The following PTH2R variants were observed in gnomAD, a reference collection of about 807,000 sequenced individuals.
PTH2R encodes parathyroid hormone 2 receptor.
Under a neutral mutation model 60.3 loss-of-function variants are expected in PTH2R, and 59 were observed. The observed-to-expected ratio is 0.98, with a 90% CI of 0.79 to 1.22. PTH2R has a LOEUF of 1.22. Ranked by LOEUF, PTH2R falls within the 50% of genes most tolerant of loss-of-function variation. The pLI is 0.00. For synonymous variants in PTH2R, 256 were observed against 243.8 expected, an observed-to-expected ratio of 1.05 and a Z score of -0.47; for missense variants, 749 against 682.6, an observed-to-expected ratio of 1.10 and a Z score of -1.08.
At chr2:208,366,792 T>A (rs1700601984) in intron 1 of PTH2R, among the ~76,000 whole-genome samples, 1 of 152,250 alleles carries the variant, frequency 6.6e-6, no homozygotes, top group South Asian at 2.1e-4. Context: ...CTTAAAGGTT[T>A]TTCTGTACAT....
intron 1 of PTH2R, among the ~76,000 whole-genome samples, chr2:208,389,371 C>T (rs1044250466): frequency 3.3e-5 from 5 of 152,010 alleles, no homozygotes; most frequent in Admixed American, 2.0e-4. Context: ...AGTCTTAGCT[C>T]GTCACAATTG....
intron 1 of PTH2R, among the ~76,000 whole-genome samples, chr2:208,385,764 G>A (rs1476897753): frequency 6.6e-6 from 1 of 152,172 alleles, no homozygotes; most frequent in Non-Finnish European, 1.5e-5. Context: ...AACTTGTAAA[G>A]GACCTGTGAA....
intron 1 of PTH2R, among the ~76,000 whole-genome samples, chr2:208,372,329 G>A (rs1700717300): frequency 6.6e-6 from 1 of 152,122 alleles, no homozygotes; most frequent in Non-Finnish European, 1.5e-5. Flanking sequence ...CAGAAAGGAT[G>A]CTTGGTCAAG....
Position 208,450,810 on chromosome 2 carries a change from G to T in PTH2R, c.914+1G>T. 6.2e-7 allele frequency: 1 copy of T among 1,613,874 alleles called. No individual in the cohort carries two copies. Among genetic ancestry groups the T allele is most frequent in the South Asian group, 1.1e-5 (1 of 91,082 alleles). ...CACGAGCAACTCTGGCTGATGCGAGGTGAGTGAAAAGGCAGGGGAAACGAG... is the reference window on the plus strand; with the variant it reads ...CACGAGCAACTCTGGCTGATGCGAGTTGAGTGAAAAGGCAGGGGAAACGAG... On this transcript the variant is annotated splice_donor_variant, in intron 8 of 12. Coordinates refer to ENST00000272847, the MANE Select transcript of PTH2R (RefSeq NM_005048.4). LOFTEE classifies it high-confidence loss of function.
intron 1 of PTH2R, among the ~76,000 whole-genome samples, chr2:208,413,152 C>T (rs866631317): frequency 6.6e-6 from 1 of 151,344 alleles, no homozygotes; most frequent in African/African-American, 2.4e-5. Context: ...CACACACACA[C>T]ACACACACAC....
chr2:208,455,490 C>T (rs1483217496), intron 8 of PTH2R, among the ~76,000 whole-genome samples: 1 of 152,210 alleles, frequency 6.6e-6, no homozygotes, highest in Non-Finnish European at 1.5e-5. Context: ...TTCTTCCTAA[C>T]TTATCAGAAT....
chr2:208,465,101 G>A (rs939852728), intron 9 of PTH2R, among the ~76,000 whole-genome samples: 42 of 150,604 alleles, frequency 2.8e-4, no homozygotes, highest in African/African-American at 1.0e-3. Flanking sequence ...TCAGCCTCCT[G>A]AGTAACTAGG....
intron 7 of PTH2R, among the ~76,000 whole-genome samples, chr2:208,448,288 G>C (rs1702330871): frequency 6.6e-6 from 1 of 152,054 alleles, no homozygotes; most frequent in Non-Finnish European, 1.5e-5. Context: ...TTCTTGTTGT[G>C]ATCATATGTA....
intron 4 of PTH2R, among the ~76,000 whole-genome samples, chr2:208,438,679 G>A (rs1370884051): frequency 1.3e-5 from 2 of 152,258 alleles, no homozygotes; most frequent in East Asian, 3.9e-4. Context: ...GAGTTAATGT[G>A]ATAAATTAGC....
intron 2 of PTH2R, among the ~76,000 whole-genome samples, chr2:208,435,699 G>T (rs1278494969): frequency 3.9e-5 from 6 of 152,172 alleles, no homozygotes; most frequent in African/African-American, 1.4e-4. Context: ...AAGTGAACAA[G>T]GAGACAGATC....
chr2:208,488,286 T>C (rs573406387), intron 10 of PTH2R, among the ~76,000 whole-genome samples: 4 of 152,252 alleles, frequency 2.6e-5, no homozygotes, highest in African/African-American at 9.6e-5. Context: ...TAGAAAAATA[T>C]AAAATGTCTC....
At chr2:208,376,612 C>T (rs1439077844) in intron 1 of PTH2R, among the ~76,000 whole-genome samples, 1 of 151,974 alleles carries the variant, frequency 6.6e-6, no homozygotes, top group African/African-American at 2.4e-5. Flanking sequence ...AACTTGCTTC[C>T]TAGCCCACAC....
intron 1 of PTH2R, among the ~76,000 whole-genome samples, chr2:208,395,250 T>C (rs1701186816): frequency 6.6e-6 from 1 of 152,058 alleles, no homozygotes; most frequent in African/African-American, 2.4e-5. Context: ...GGTTTCACCA[T>C]GTTAACCAGG....
chr2:208,364,804 G>A (rs577906766), intron 1 of PTH2R, among the ~76,000 whole-genome samples: 2 of 152,158 alleles, frequency 1.3e-5, no homozygotes, highest in African/African-American at 4.8e-5. Context: ...ATGAATGTGA[G>A]ATGTTTCTAT....
In PTH2R at chr2:208,483,073, CA is replaced by C. The variant is rs377237474; in HGVS notation, c.1076+1910del. Among the ~76,000 whole-genome samples the C allele has an allele frequency of 8.5e-3, 1,287 of 152,252 alleles. 15 individuals are homozygous for C. The highest frequency in any genetic ancestry group is 0.028 in the African/African-American group (1,154 of 41,544). On this transcript the variant is annotated intron_variant, in intron 10 of 12. Coordinates refer to ENST00000272847, the MANE Select transcript of PTH2R (RefSeq NM_005048.4). ...AACTTTTATTCCTTAGCAATAGTTTCAGGGGGGGTCCCTGCAGGTAGTATTT... is the reference window on the plus strand; with the variant it reads ...AACTTTTATTCCTTAGCAATAGTTTCGGGGGGGTCCCTGCAGGTAGTATTT...
In PTH2R at chr2:208,450,750, G is replaced by A. The variant is rs375705130; in HGVS notation, c.855G>A (p.Gly285=). 2.9e-5 allele frequency: 47 copies of A among 1,613,838 alleles called. No individual in the cohort carries two copies. Among genetic ancestry groups the A allele is most frequent in the Non-Finnish European group, 3.1e-5 (36 of 1,179,822 alleles). ...YLWGFILIGW[G]FPAAFVAAWA... is the part of the protein sequence containing the mutation. ...CTCTGAATCATTTTCTGATTTCAGG[G>A]TTTCCAGCAGCATTTGTTGCAGCAT... The change falls in exon 8 of 13, where the codon GGG becomes GGA. Residue 285 remains glycine, a splice_region_variant and synonymous_variant. Transcript: ENST00000272847.
At chr2:208,392,450 A>G (rs774827334) in intron 1 of PTH2R, among the ~76,000 whole-genome samples, 6 of 152,184 alleles carry the variant, frequency 3.9e-5, no homozygotes, top group Non-Finnish European at 7.3e-5. Context: ...CCTAGCAGTT[A>G]TAGCTCAACC....
At position 208,376,377 on chromosome 2, in the gene PTH2R, A is replaced by T. The variant is rs564396801; in HGVS notation, c.-259+16140A>T. 6.6e-5 allele frequency among the ~76,000 whole-genome samples: 10 copies of T among 152,170 alleles called. 3 individuals are homozygous for T. The highest frequency in any genetic ancestry group is 2.4e-4 in the African/African-American group (10 of 41,454). The stretch of plus-strand genomic sequence containing the variant: ...AGTTCCTATTTAAATTAAAATACCT[A>T]CTGTTGCACTTTTATGTGTGTTTTT... On this transcript the variant is annotated intron_variant, in intron 1 of 12. Transcript: ENST00000617735.
intron 1 of PTH2R, among the ~76,000 whole-genome samples, chr2:208,415,201 T>C (rs1044492714): frequency 2.0e-5 from 3 of 152,156 alleles, no homozygotes; most frequent in African/African-American, 7.2e-5. Flanking sequence ...GGAAACTGAG[T>C]GTTTATGGGA....
Sources: allele counts gnomAD v4.1 joint callset (sites outside exome capture counted in the v4.1 genomes callset), GRCh38; gene constraint gnomAD v4.1.1; transcripts MANE v1.5; gene names NCBI Gene and HGNC (gene_info 2026-07-23, HGNC 2026-07-21).